Variants in RPS6KA3 observed in about 807,000 individuals in gnomAD.
RPS6KA3 encodes ribosomal protein S6 kinase A3, also known as ribosomal protein S6 kinase alpha-3.
A neutral mutation model predicts 67.2 loss-of-function variants in RPS6KA3; 4 were observed. The ratio of observed to expected loss-of-function variants is 0.06; its 90% CI spans 0.03 to 0.14. RPS6KA3 has a LOEUF of 0.14. RPS6KA3 is among the 10% of genes least tolerant of loss of function. The pLI, the probability that RPS6KA3 is intolerant of heterozygous loss-of-function variation, is 1.00. For missense variants in RPS6KA3, 204 were observed against 559.0 expected (o/e 0.36, Z 6.40); for synonymous variants, 182 against 183.7 (o/e 0.99, Z 0.07).
intron 2 of RPS6KA3, 127 bp from the exon 3 acceptor site, chrX:20,209,531 T>G (rs2068656825): frequency 2.1e-6 from 1 of 468,218 alleles, no homozygotes; most frequent in Non-Finnish European, 3.7e-6. Flanking sequence ...TCTAAACATA[T>G]TAGAAATCCC....
At position 20,176,714 on chromosome X, in the gene RPS6KA3, C is replaced by T. The variant is rs138906789; in HGVS notation, c.935-216G>A. Among the ~76,000 whole-genome samples the T allele has an allele frequency of 0.012, 1,352 of 110,761 alleles. 23 individuals carry two copies. The highest frequency in any genetic ancestry group is 0.042 in the African/African-American group (1,286 of 30,458). On this transcript the variant is annotated intron_variant, in intron 11 of 21. Coordinates refer to ENST00000379565, the MANE Select transcript of RPS6KA3 (RefSeq NM_004586.3). ...TCAAGTGATCCTCCTACCTCAACTT[C>T]CTGAGTAGCTGGGACTACAGGCACG...
intron 2 of RPS6KA3, among the ~76,000 whole-genome samples, chrX:20,234,475 C>CA (rs1483596882): frequency 3.6e-5 from 4 of 111,385 alleles, no homozygotes; most frequent in Admixed American, 2.9e-4. Context: ...AACTCCATCT[C>CA]AAAAAAATCC....
At chrX:20,173,877 A>AAT (rs2067633158) in intron 14 of RPS6KA3, among the ~76,000 whole-genome samples, 1 of 112,809 alleles carries the variant, frequency 8.9e-6, no homozygotes, top group Admixed American at 9.4e-5. Flanking sequence ...TCCTAAAAAG[A>AAT]ATCCAATGCT....
intron 1 of RPS6KA3, among the ~76,000 whole-genome samples, chrX:20,256,793 C>A (rs983438126): frequency 8.9e-6 from 1 of 111,871 alleles, no homozygotes; most frequent in Admixed American, 9.5e-5. Context: ...TCTCTACAGG[C>A]CTCCTTGGTG....
intron 4 of RPS6KA3, among the ~76,000 whole-genome samples, chrX:20,200,500 T>G (rs1334704379): frequency 1.8e-5 from 2 of 111,987 alleles, no homozygotes; most frequent in African/African-American, 6.5e-5. Context: ...AAAATTCCAA[T>G]AAGTCAAATA....
rs779680347 is a variant in RPS6KA3, at chrX:20,250,363, A to G, written c.70-15549T>C. ...GCCACTATTCCTTGCTAATTTTTTAAAAAATTGTTTTCCTAGACATAGGGC... is the reference window on the plus strand; with the variant it reads ...GCCACTATTCCTTGCTAATTTTTTAGAAAATTGTTTTCCTAGACATAGGGC... On this transcript the variant is annotated intron_variant, in intron 1 of 21. Coordinates refer to ENST00000379565, the MANE Select transcript of RPS6KA3 (RefSeq NM_004586.3). Among the ~76,000 whole-genome samples the G allele has an allele frequency of 1.3e-4, 14 of 111,044 alleles. No individual in the cohort carries two copies. In the South Asian group the frequency reaches 5.3e-3, roughly 42 times the overall value.
chrX:20,237,646 T>C (rs1463535281), intron 1 of RPS6KA3, among the ~76,000 whole-genome samples: 2 of 111,433 alleles, frequency 1.8e-5, no homozygotes, highest in Non-Finnish European at 3.8e-5. Flanking sequence ...GGCTCAAAAA[T>C]GAGATAATTC....
At position 20,153,888 on chromosome X, in the gene RPS6KA3, T is replaced by C. The variant is rs1219862288; in HGVS notation, c.*1510A>G. 8.9e-6 allele frequency: 1 copy of C among 112,380 alleles called. No individual in the cohort carries two copies. The highest frequency in any genetic ancestry group is 3.2e-5 in the African/African-American group (1 of 30,904). 9.3% of individuals were successfully genotyped at this position (112,380 alleles called of 1,213,427 possible). A position where few individuals can be genotyped will look rare whatever the true frequency, so the allele number is the denominator to read the frequency against. ...CACCTGCCTCGGCCTCCCAAAATGC[T>C]GGGATTACAGGCGTGAGCCACTGCG... On this transcript the variant is annotated 3_prime_UTR_variant, in exon 22 of 22. Coordinates refer to ENST00000379565, the MANE Select transcript of RPS6KA3 (RefSeq NM_004586.3).
chrX:20,183,010 C>T (rs1488227473), intron 10 of RPS6KA3, among the ~76,000 whole-genome samples: 1 of 110,719 alleles, frequency 9.0e-6, no homozygotes, highest in Non-Finnish European at 1.9e-5. Flanking sequence ...TTTTAATTTG[C>T]ATTTTCTGAT....
intron 1 of RPS6KA3, among the ~76,000 whole-genome samples, chrX:20,251,975 T>C (rs945309255): frequency 1.4e-4 from 16 of 112,315 alleles, no homozygotes; most frequent in African/African-American, 5.2e-4. Context: ...AATCTTTTGT[T>C]AATGTTCACC....
chrX:20,161,655 C>A lies in RPS6KA3; in HGVS notation c.1948G>T (p.Asp650Tyr). 1 of 1,123,890 alleles carries A rather than the reference C, an allele frequency of 8.9e-7. No homozygotes were observed. Among genetic ancestry groups the A allele is most frequent in the South Asian group, 1.8e-5 (1 of 54,323 alleles). 92.6% of individuals were successfully genotyped at this position (1,123,890 alleles called of 1,213,427 possible). ...LSGGYWNSVSDTAKDLVSKML... is the reference protein window; with the variant it reads ...LSGGYWNSVSYTAKDLVSKML... ...GAAGTGATACTTACCTTTGCTGTGT[C>A]TGAAACAGAATTCCAGTAACCACCA... Residue 650 changes from aspartate to tyrosine, a missense_variant, in exon 20 of 22, where the codon GAC becomes TAC. Transcript: ENST00000379565.
At position 20,221,597 on chromosome X, in the gene RPS6KA3, C is replaced by T. The variant is rs1178572281; in HGVS notation, c.127-12193G>A. ...GGACATACGGTTTCTGTCAACTCTG[C>T]CAGTGCAGTGAGAAAACGAATGGGT... On this transcript the variant is annotated intron_variant, in intron 2 of 21. Transcript: ENST00000379565. 9.8e-5 allele frequency among the ~76,000 whole-genome samples: 11 copies of T among 111,717 alleles called. No homozygotes were observed. In the Admixed American group the frequency reaches 1.0e-3, roughly 11 times the overall value.
At chrX:20,164,858 TA>T in intron 18 of RPS6KA3, 40 bp downstream of exon 18, 1 of 1,078,007 alleles carries the variant, frequency 9.3e-7, no homozygotes, top group Non-Finnish European at 1.3e-6. Context: ...GAATGAGTTT[TA>T]AAACATACTA....
chrX:20,176,346 A>G lies in RPS6KA3; in HGVS notation c.1006T>C (p.Tyr336His). Residue 336 changes from tyrosine (Y) to histidine (H), a missense_variant, in exon 13 of 22, where the codon TAT becomes CAT. Tyr to His is a moderately conservative substitution (Grantham distance 83, BLOSUM62 2). Transcript: ENST00000379565. ...FFSTIDWNKL[Y>H]RREIHPPFKP... is the part of the protein sequence containing the mutation. The stretch of plus-strand genomic sequence containing the variant: ...AATGGCGGATGAATTTCTCTTCTAT[A>G]CAGTTTCTGGAGGGGAAAAAAAAAA... 1 of 1,170,613 alleles carries G rather than the reference A, an allele frequency of 8.5e-7. No individual in the cohort carries two copies. Among genetic ancestry groups the G allele is most frequent in the Non-Finnish European group, 1.2e-6 (1 of 859,127 alleles).
At chrX:20,162,530 C>T (rs770687389) in intron 19 of RPS6KA3, among the ~76,000 whole-genome samples, 1 of 106,357 alleles carries the variant, frequency 9.4e-6, no homozygotes, top group African/African-American at 3.4e-5. Flanking sequence ...GATATGACAA[C>T]ATCTGAATTA....
chrX:20,156,351 CTT>C, intron 20 of RPS6KA3, 102 bp from the exon 21 acceptor site: 1 of 879,204 alleles, frequency 1.1e-6, no homozygotes, highest in Non-Finnish European at 1.7e-6. Flanking sequence ...TGTGATACTG[CTT>C]TTTCTGGTAG....
intron 10 of RPS6KA3, among the ~76,000 whole-genome samples, chrX:20,179,073 A>G (rs1053213658): frequency 9.0e-6 from 1 of 111,520 alleles, no homozygotes; most frequent in African/African-American, 3.3e-5. Flanking sequence ...AGTTTAATTC[A>G]GAGGAAAGGC....
chrX:20,220,383 A>T (rs1305044727), intron 2 of RPS6KA3, among the ~76,000 whole-genome samples: 1 of 111,511 alleles, frequency 9.0e-6, no homozygotes, highest in Non-Finnish European at 1.9e-5. Flanking sequence ...GACACTTAGG[A>T]ACTCTCCCAT....
intron 7 of RPS6KA3, among the ~76,000 whole-genome samples, chrX:20,189,580 A>G (rs1569217967): frequency 8.9e-6 from 1 of 112,132 alleles, no homozygotes; most frequent in Non-Finnish European, 1.9e-5. Flanking sequence ...GAAAGGAGAG[A>G]GTACTAAGCT....
Sources: allele counts gnomAD v4.1 joint callset (sites outside exome capture counted in the v4.1 genomes callset), GRCh38; gene constraint gnomAD v4.1.1; transcripts MANE v1.5; gene names NCBI Gene and HGNC (gene_info 2026-07-23, HGNC 2026-07-21).